Variants in LRP1B observed in about 807,000 individuals in gnomAD.
The protein encoded by LRP1B is low-density lipoprotein receptor-related protein 1B.
Under a neutral mutation model 556.6 loss-of-function variants are expected in LRP1B, and 217 were observed. That is an observed-to-expected ratio of 0.39 (90% CI 0.35 to 0.44). LRP1B has a LOEUF of 0.44. Among genes scored for constraint, LRP1B ranks in the 20% least tolerant of loss-of-function variants. LRP1B has a pLI of 1.00. For missense variants in LRP1B, 5,053 were observed against 5,620.8 expected, an observed-to-expected ratio of 0.90 and a Z score of 3.23; for synonymous variants, 2,047 against 1,865.8, an observed-to-expected ratio of 1.10 and a Z score of -2.50.
intron 7 of LRP1B, among the ~76,000 whole-genome samples, chr2:141,111,777 G>C (rs901999793): frequency 6.6e-6 from 1 of 152,116 alleles, no homozygotes; most frequent in African/African-American, 2.4e-5. Flanking sequence ...CCAGCCGGTA[G>C]TGGTGGCTCA....
At chr2:140,719,647 C>A (rs1687332794) in intron 35 of LRP1B, among the ~76,000 whole-genome samples, 2 of 151,994 alleles carry the variant, frequency 1.3e-5, no homozygotes, top group African/African-American at 2.4e-5. Context: ...TCAATATAGT[C>A]ACATGTACTA....
intron 43 of LRP1B, among the ~76,000 whole-genome samples, chr2:140,593,638 T>C (rs1054342962): frequency 2.7e-4 from 41 of 152,282 alleles, no homozygotes; most frequent in Non-Finnish European, 2.2e-4. Flanking sequence ...GCCAATCATA[T>C]TATTTTTATC....
chr2:141,704,558 C>T (rs1692069201), intron 2 of LRP1B, among the ~76,000 whole-genome samples: 1 of 151,944 alleles, frequency 6.6e-6, no homozygotes, highest in African/African-American at 2.4e-5. Flanking sequence ...CACTGCTCCC[C>T]CAGTGCAGCC....
intron 7 of LRP1B, among the ~76,000 whole-genome samples, chr2:141,152,888 C>A (rs535355648): frequency 2.0e-5 from 3 of 151,296 alleles, no homozygotes; most frequent in Non-Finnish European, 3.0e-5. Context: ...TTAGTATTGT[C>A]CTTGTCATAT....
chr2:140,985,828 A>G (rs904993257), intron 17 of LRP1B, among the ~76,000 whole-genome samples: 1 of 151,682 alleles, frequency 6.6e-6, no homozygotes, highest in East Asian at 1.9e-4. Flanking sequence ...TTATATAGCT[A>G]TATCAAATCT....
intron 23 of LRP1B, 48 bp downstream of exon 23, chr2:140,902,872 T>C: frequency 6.3e-7 from 1 of 1,582,538 alleles, no homozygotes; most frequent in Non-Finnish European, 8.6e-7. Context: ...TTTGTTTCTT[T>C]CAAGATCTAT....
At chr2:141,541,624 A>G (rs1685264150) in intron 2 of LRP1B, among the ~76,000 whole-genome samples, 1 of 152,100 alleles carries the variant, frequency 6.6e-6, no homozygotes, top group Non-Finnish European at 1.5e-5. Context: ...GTATTCAATA[A>G]TACACATGTT....
rs116705464 is a variant in LRP1B, at chr2:142,075,935, T to C, written c.82+54713A>G. ...CAAATTTCAGTCTGAATCTAGCCTC[T>C]AGGTACTGCTCTGTAGGCTTCAATT... On this transcript the variant is annotated intron_variant, in intron 1 of 90. Transcript: ENST00000389484. Among the ~76,000 whole-genome samples, 360 of 152,248 alleles carry C rather than the reference T, an allele frequency of 2.4e-3. 2 individuals carry two copies. Among genetic ancestry groups the C allele is most frequent in the African/African-American group, 8.1e-3 (338 of 41,584 alleles).
intron 1 of LRP1B, among the ~76,000 whole-genome samples, chr2:142,092,479 A>C (rs1279779005): frequency 6.6e-6 from 1 of 152,172 alleles, no homozygotes; most frequent in Non-Finnish European, 1.5e-5. Flanking sequence ...ATAGCTCATA[A>C]GGAAATTGCT....
chr2:141,750,965 AATT>A (rs1383745093), intron 2 of LRP1B, among the ~76,000 whole-genome samples: 4 of 152,032 alleles, frequency 2.6e-5, no homozygotes, highest in Non-Finnish European at 5.9e-5. Context: ...TTGCTCCAGG[AATT>A]ATTACATTTT....
chr2:141,980,569 ATAAT>A (rs1156706673), intron 1 of LRP1B, among the ~76,000 whole-genome samples: 5 of 152,180 alleles, frequency 3.3e-5, no homozygotes, highest in African/African-American at 1.2e-4. Context: ...GGTTGTAAAA[ATAAT>A]TAGAAAGCAA....
chr2:142,113,719 A>G (rs1707087637), intron 1 of LRP1B, among the ~76,000 whole-genome samples: 3 of 152,078 alleles, frequency 2.0e-5, no homozygotes, highest in Admixed American at 1.3e-4. Flanking sequence ...TTTTTATTCA[A>G]AGCAATGCTT....
chr2:141,643,384 A>G (rs979421767), intron 2 of LRP1B, among the ~76,000 whole-genome samples: 2 of 152,190 alleles, frequency 1.3e-5, no homozygotes, highest in African/African-American at 2.4e-5. Context: ...ATTCACATCT[A>G]TAAACCAGGG....
chr2:140,608,417 G>A (rs184568207), intron 41 of LRP1B, among the ~76,000 whole-genome samples: 4 of 152,236 alleles, frequency 2.6e-5, no homozygotes, highest in Admixed American at 6.5e-5. Context: ...GCTACTTTTC[G>A]TGATCGTGGA....
chr2:141,457,642 G>C (rs1279007822), intron 3 of LRP1B, among the ~76,000 whole-genome samples: 2 of 42,420 alleles, frequency 4.7e-5, no homozygotes, highest in Admixed American at 2.6e-4. Context: ...TCATGAATTT[G>C]ACATGTCTGT....
At chr2:141,897,992 T>G (rs1306301748) in intron 1 of LRP1B, among the ~76,000 whole-genome samples, 2 of 152,140 alleles carry the variant, frequency 1.3e-5, no homozygotes, top group African/African-American at 2.4e-5. Flanking sequence ...GTGGTCATCT[T>G]ATTGGGCCCA....
At chr2:141,929,901 G>A (rs985567433) in intron 1 of LRP1B, among the ~76,000 whole-genome samples, 37 of 93,338 alleles carry the variant, frequency 4.0e-4, no homozygotes, top group Non-Finnish European at 5.5e-4. Context: ...AGGAGAAACC[G>A]CGGATGGAAA....
At chr2:141,393,678 T>G (rs1251131214) in intron 3 of LRP1B, among the ~76,000 whole-genome samples, 1 of 152,090 alleles carries the variant, frequency 6.6e-6, no homozygotes. Context: ...TAAAAACAAA[T>G]TTAACAGTAT....
At chr2:140,876,431 AT>A (rs1289893077) in intron 25 of LRP1B, among the ~76,000 whole-genome samples, 1 of 152,134 alleles carries the variant, frequency 6.6e-6, no homozygotes, top group African/African-American at 2.4e-5. Flanking sequence ...ATTTGTTTTC[AT>A]TTGTAATAGG....
Sources: gnomAD v4.1 joint callset for allele counts (sites outside exome capture counted in the v4.1 genomes callset) on GRCh38, gnomAD v4.1.1 for gene constraint, MANE v1.5 for transcripts, NCBI Gene and HGNC (gene_info 2026-07-23, HGNC 2026-07-21) for gene names.